SPIN1: variants seen among roughly 807,000 people sequenced by gnomAD.
The protein encoded by SPIN1 is spindlin 1, also known as spindlin-1.
In SPIN1, 3 loss-of-function variants were observed where a neutral mutation model predicts 26.0. The observed-to-expected ratio is 0.12, with a 90% confidence interval of 0.05 to 0.30. The LOEUF (loss-of-function observed/expected upper bound fraction) is 0.30. SPIN1 is among the 10% of genes least tolerant of loss of function. The pLI, the probability that SPIN1 is intolerant of heterozygous loss-of-function variation, is 1.00. For missense variants in SPIN1, 126 were observed against 333.4 expected (o/e 0.38, Z 4.84); for synonymous variants, 101 against 116.5 (o/e 0.87, Z 0.86).
chr9:88,457,862 C>CT (rs1291847592), intron 3 of SPIN1: 6 of 984,682 alleles, frequency 6.1e-6, no homozygotes. Flanking sequence ...ACCAAAAAAC[C>CT]TTTCTTGTTT....
chr9:88,426,517 G>A lies in SPIN1; in HGVS notation c.-23G>A, dbSNP rs1178577145. 1.2e-6 allele frequency: 2 copies of A among 1,609,344 alleles called. No individual in the cohort carries two copies. The highest frequency in any genetic ancestry group is 1.3e-5 in the African/African-American group (1 of 74,798). ...ATTTTCACCCTAGTCCAGCAGCTCC[G>A]CTGCTCACTTAAATACAGATGAATG... is the stretch of plus-strand genomic sequence containing the variant. On this transcript the variant is annotated 5_prime_UTR_variant, in exon 2 of 6. Transcript: ENST00000375859.
At chr9:88,425,824 T>G (rs1256718911) in intron 1 of SPIN1, among the ~76,000 whole-genome samples, 1 of 152,152 alleles carries the variant, frequency 6.6e-6, no homozygotes, top group African/African-American at 2.4e-5. Context: ...CAGAGACGTG[T>G]TTGGCTATAA....
At chr9:88,398,050 G>A (rs1827104561) in intron 1 of SPIN1, among the ~76,000 whole-genome samples, 1 of 151,526 alleles carries the variant, frequency 6.6e-6, no homozygotes, top group South Asian at 2.1e-4. Flanking sequence ...AGCCTCCCGC[G>A]TAGCTGAGAC....
intron 1 of SPIN1, among the ~76,000 whole-genome samples, chr9:88,392,739 CAG>C (rs1246193514): frequency 6.6e-6 from 1 of 152,096 alleles, no homozygotes; most frequent in Non-Finnish European, 1.5e-5. Context: ...CCTACCTCAT[CAG>C]GGGTGAGCTT....
rs569587930 is a variant in SPIN1 at position 88,393,541 on chromosome 9, A to G, written c.-159+5003A>G. On this transcript the variant is annotated intron_variant, in intron 1 of 5. Coordinates refer to ENST00000375859, the MANE Select transcript of SPIN1 (RefSeq NM_006717.3). ...GCAGTCTCAGCTGACTGCACCCTCC[A>G]CCTCCCGGGAGTCAAGCGATTCTCC... Among the ~76,000 whole-genome samples the G allele has an allele frequency of 2.7e-3, 332 of 122,310 alleles. 1 individual carries two copies. Among genetic ancestry groups the G allele is most frequent in the African/African-American group, 0.01 (312 of 30,926 alleles). The allele number at this position is 122,310 out of a possible 152,430, so 80.2% of individuals were successfully genotyped here. A position where few individuals can be genotyped will look rare whatever the true frequency, so the allele number is the denominator to read the frequency against.
At chr9:88,395,863 G>A (rs1164135215) in intron 1 of SPIN1, among the ~76,000 whole-genome samples, 5 of 151,912 alleles carry the variant, frequency 3.3e-5, no homozygotes, top group South Asian at 2.1e-4. Context: ...CCTGACCAAC[G>A]TGGTGAAACC....
At chr9:88,449,671 A>G (rs73502114) in intron 3 of SPIN1, among the ~76,000 whole-genome samples, 11,031 of 152,134 alleles carry the variant, frequency 0.073, 1,269 homozygotes, top group African/African-American at 0.24. Flanking sequence ...TTACTTTATT[A>G]TATCTAATAG....
intron 1 of SPIN1, among the ~76,000 whole-genome samples, chr9:88,409,568 G>A (rs1312429241): frequency 6.6e-6 from 1 of 151,776 alleles, no homozygotes; most frequent in Non-Finnish European, 1.5e-5. Flanking sequence ...AGGTGCGGTG[G>A]CTCATTCCTG....
intron 1 of SPIN1, among the ~76,000 whole-genome samples, chr9:88,421,241 A>T (rs925894998): frequency 2.6e-5 from 4 of 152,114 alleles, no homozygotes; most frequent in Non-Finnish European, 4.4e-5. Context: ...TGATAATCTT[A>T]CAATATCTAA....
intron 2 of SPIN1, among the ~76,000 whole-genome samples, chr9:88,444,514 A>G (rs549769097): frequency 6.6e-6 from 1 of 152,002 alleles, no homozygotes; most frequent in South Asian, 2.1e-4. Flanking sequence ...AAGTGCTGGG[A>G]TCACAGGCGT....
chr9:88,396,046 C>T lies in SPIN1; in HGVS notation c.-159+7508C>T, dbSNP rs373917049. ...TGGGTGACAGAGGGAGACTCCGTCT[C>T]AAAAACAACAGCAACAACAACAAAA... On this transcript the variant is annotated intron_variant, in intron 1 of 5. Transcript: ENST00000375859. 1.3e-3 allele frequency among the ~76,000 whole-genome samples: 194 copies of T among 151,564 alleles called. 5 individuals are homozygous for T. In the South Asian group the frequency reaches 0.036, roughly 28 times the overall value.
chr9:88,429,331 C>G (rs536368675), intron 2 of SPIN1, among the ~76,000 whole-genome samples: 2 of 152,220 alleles, frequency 1.3e-5, no homozygotes, highest in South Asian at 4.2e-4. Context: ...AGCATCAAAT[C>G]TCATAGGTTG....
At position 88,471,243 on chromosome 9, in the gene SPIN1, G is replaced by A. The variant is rs77739611; in HGVS notation, c.589+2638G>A. Among the ~76,000 whole-genome samples, 1,309 of 152,050 alleles carry A rather than the reference G, an allele frequency of 8.6e-3. 14 individuals are homozygous for A. Among genetic ancestry groups the A allele is most frequent in the African/African-American group, 0.025 (1,020 of 41,432 alleles). On this transcript the variant is annotated intron_variant, in intron 5 of 5. Coordinates refer to ENST00000375859, the MANE Select transcript of SPIN1 (RefSeq NM_006717.3). ...TAGCTCTTACTTAGAGATCTTTGAT[G>A]CATTTTCAAGTTAATTTTTGTTTGT... is the stretch of plus-strand genomic sequence containing the variant.
At chr9:88,389,044 C>T (rs1826856780) in intron 1 of SPIN1, among the ~76,000 whole-genome samples, 1 of 151,690 alleles carries the variant, frequency 6.6e-6, no homozygotes, top group African/African-American at 2.4e-5. Context: ...CGCGACGGGT[C>T]GGGTCACCCC....
chr9:88,408,906 C>A (rs141370601), intron 1 of SPIN1, among the ~76,000 whole-genome samples: 8 of 151,864 alleles, frequency 5.3e-5, no homozygotes, highest in African/African-American at 1.7e-4. Context: ...TCGTGATCCG[C>A]CCGCCTGGGC....
Position 88,410,188 on chromosome 9 carries a change from T to TGTGTGTGTGTGTGC in SPIN1, c.-158-16193_-158-16192insTGTGTGTGTGTGCG, listed in dbSNP as rs4029765. On this transcript the variant is annotated intron_variant, in intron 1 of 5. Coordinates refer to ENST00000375859, the MANE Select transcript of SPIN1 (RefSeq NM_006717.3). The stretch of plus-strand genomic sequence containing the variant: ...GTGTGTGTGTGTGTGTGTGTGTGTG[T>TGTGTGTGTGTGTGC]GCAACTTTTTTTTTTTTTAAAGACA... Among the ~76,000 whole-genome samples, 59 of 142,966 alleles carry TGTGTGTGTGTGTGC rather than the reference T, an allele frequency of 4.1e-4. 1 individual carries two copies. Among genetic ancestry groups the TGTGTGTGTGTGTGC allele is most frequent in the African/African-American group, 1.5e-3 (53 of 34,548 alleles). The allele number at this position is 142,966 out of a possible 152,430, so 93.8% of individuals were successfully genotyped here.
At position 88,471,465 on chromosome 9, in the gene SPIN1, C is replaced by A. The variant is rs184755503; in HGVS notation, c.589+2860C>A. Among the ~76,000 whole-genome samples, 428 of 151,884 alleles carry A rather than the reference C, an allele frequency of 2.8e-3. 1 individual carries two copies. Among genetic ancestry groups the A allele is most frequent in the Non-Finnish European group, 5.0e-3 (339 of 67,922 alleles). On this transcript the variant is annotated intron_variant, in intron 5 of 5. Coordinates refer to ENST00000375859, the MANE Select transcript of SPIN1 (RefSeq NM_006717.3). The stretch of plus-strand genomic sequence containing the variant: ...GGATCACGAGGTCAGGAGTTCGAGA[C>A]CAGCCTGGGCAGCACGGGGAAACCC...
intron 1 of SPIN1, among the ~76,000 whole-genome samples, chr9:88,423,558 C>T (rs1046237754): frequency 1.3e-5 from 2 of 151,748 alleles, no homozygotes; most frequent in Non-Finnish European, 2.9e-5. Context: ...CCTGCCTCAG[C>T]CTCCTAAGTA....
intron 1 of SPIN1, among the ~76,000 whole-genome samples, chr9:88,388,789 C>T (rs1272788868): frequency 2.0e-5 from 3 of 150,258 alleles, no homozygotes; most frequent in African/African-American, 7.3e-5. Context: ...CTCCGTGCCC[C>T]CATCCCCGCC....
Sources: gnomAD v4.1 joint callset for allele counts (sites outside exome capture counted in the v4.1 genomes callset) on GRCh38, gnomAD v4.1.1 for gene constraint, MANE v1.5 for transcripts, NCBI Gene and HGNC (gene_info 2026-07-23, HGNC 2026-07-21) for gene names.